IL36A: variants seen among roughly 807,000 people sequenced by gnomAD.
The protein encoded by IL36A is interleukin-36 alpha.
In IL36A, 13 loss-of-function variants were observed where a neutral mutation model predicts 12.7. That is an observed-to-expected ratio of 1.02 (90% CI 0.67 to 1.63). IL36A has a LOEUF of 1.63. IL36A is among the 40% of genes most tolerant of loss of function. The pLI, the probability that IL36A is intolerant of heterozygous loss-of-function variation, is 0.00. For missense variants in IL36A, 195 were observed against 192.9 expected, an observed-to-expected ratio of 1.01 and a Z score of -0.07; for synonymous variants, 73 against 71.9, an observed-to-expected ratio of 1.01 and a Z score of -0.08.
intron 3 of IL36A, 82 bp downstream of exon 3, chr2:113,006,819 T>C: frequency 7.0e-7 from 1 of 1,435,822 alleles, no homozygotes; most frequent in South Asian, 1.3e-5. Context: ...GTACTTATTA[T>C]GCTCATGCAT....
Position 113,006,695 on chromosome 2 carries a change from G to A in IL36A, c.222G>A (p.Leu74=), listed in dbSNP as rs560011052. ...GCCTGAATGGACTCAATCTCTGCCT[G>A]ATGTGTGCTAAAGTCGGGGACCAGC... The part of the protein sequence containing the change: ...YLGLNGLNLC[L]MCAKVGDQPT... Residue 74 remains leucine, a synonymous_variant, in exon 3 of 4, where the codon CTG becomes CTA. Coordinates refer to ENST00000259211, the MANE Select transcript of IL36A (RefSeq NM_014440.3). 1.2e-6 allele frequency: 2 copies of A among 1,614,164 alleles called. No homozygotes were observed. Among genetic ancestry groups the A allele is most frequent in the African/African-American group, 1.3e-5 (1 of 75,052 alleles).
In IL36A at chr2:113,008,017, T is replaced by C; in HGVS notation, c.450T>C (p.Thr150=). 7.4e-6 allele frequency: 12 copies of C among 1,614,208 alleles called. No individual in the cohort carries two copies. Among genetic ancestry groups the C allele is most frequent in the African/African-American group, 1.3e-5 (1 of 75,064 alleles). Residue 150 remains threonine (T), a synonymous_variant, in exon 4 of 4, where the codon ACT becomes ACC. Coordinates refer to ENST00000259211, the MANE Select transcript of IL36A (RefSeq NM_014440.3). ...AAGAACTGGGGAAAGCCAACACTAC[T>C]GACTTTGGGTTAACTATGCTGTTTT... ...LTQELGKANT[T]DFGLTMLF
At position 113,005,644 on chromosome 2, in the gene IL36A, A is replaced by G; in HGVS notation, c.-228A>G. The G allele has an allele frequency of 1.6e-6, 1 of 609,730 alleles. No individual in the cohort carries two copies. The highest frequency in any genetic ancestry group is 2.9e-6 in the Non-Finnish European group (1 of 339,254). The allele number at this position is 609,730 out of a possible 1,614,324, so 37.8% of individuals were successfully genotyped here. A position where few individuals can be genotyped will look rare whatever the true frequency, so the allele number is the denominator to read the frequency against. The stretch of plus-strand genomic sequence containing the variant: ...CTGGGTCTAGGCCTGGGCAGGATTC[A>G]TAGGTGCAGCTGCTTCTGCTGGAGG... On this transcript the variant is annotated 5_prime_UTR_variant, in exon 1 of 4. Coordinates refer to ENST00000259211, the MANE Select transcript of IL36A (RefSeq NM_014440.3).
intron 2 of IL36A, 107 bp downstream of exon 2, chr2:113,006,194 G>A (rs1311451050): frequency 1.3e-6 from 1 of 746,692 alleles, no homozygotes; most frequent in Non-Finnish European, 2.4e-6. Context: ...CATATCTACA[G>A]AGAGGAGCAT....
rs1558824912 is a variant in IL36A, at chr2:113,007,849, T to G, written c.282T>G (p.Asp94Glu). ...CCCTTCAGGAAAAGGATATAATGGA[T>G]TTGTACAACCAACCCGAGCCTGTGA... is the stretch of plus-strand genomic sequence containing the variant. ...TLQLKEKDIM[D>E]LYNQPEPVKS... The change falls in exon 4 of 4, where the codon GAT (aspartate) becomes GAG (glutamate). Residue 94 changes from aspartate to glutamate, a missense_variant. Coordinates refer to ENST00000259211, the MANE Select transcript of IL36A (RefSeq NM_014440.3). 1 of 1,614,050 alleles carries G rather than the reference T, an allele frequency of 6.2e-7. No individual in the cohort carries two copies. The highest frequency in any genetic ancestry group is 2.2e-5 in the East Asian group (1 of 44,890).
intron 2 of IL36A, 103 bp from the exon 3 acceptor site, chr2:113,006,495 A>G: frequency 7.8e-7 from 1 of 1,280,958 alleles, no homozygotes; most frequent in Non-Finnish European, 1.1e-6. Context: ...CCATTCTATG[A>G]GTGCACTGTG....
chr2:113,006,519 A>G, intron 2 of IL36A, 79 bp from the exon 3 acceptor site: 1 of 1,515,198 alleles, frequency 6.6e-7, no homozygotes, highest in East Asian at 2.3e-5. Flanking sequence ...GTCAGTTAGC[A>G]GATTCCCTTA....
downstream of IL36A, among the ~76,000 whole-genome samples, chr2:113,009,932 T>C (rs1684702871): frequency 6.6e-6 from 1 of 152,248 alleles, no homozygotes; most frequent in Non-Finnish European, 1.5e-5. Flanking sequence ...TAATCCTCTC[T>C]TATTTTGAAG....
rs2105028125 is a variant in IL36A, at chr2:113,007,862, C to T, written c.295C>T (p.Pro99Ser). ...GGATATAATGGATTTGTACAACCAA[C>T]CCGAGCCTGTGAAGTCCTTTCTCTT... Reference protein sequence around the residue: ...EKDIMDLYNQPEPVKSFLFYH... With the variant: ...EKDIMDLYNQSEPVKSFLFYH... Residue 99 changes from proline (P) to serine (S), a missense_variant, in exon 4 of 4, where the codon CCC becomes TCC. Pro to Ser is a moderately conservative substitution (Grantham distance 74). Coordinates refer to ENST00000259211, the MANE Select transcript of IL36A (RefSeq NM_014440.3). 6.2e-7 allele frequency: 1 copy of T among 1,614,110 alleles called. No individual in the cohort carries two copies.
downstream of IL36A, among the ~76,000 whole-genome samples, chr2:113,008,357 C>CTTTTTT (rs780723737): frequency 2.4e-5 from 3 of 123,396 alleles, no homozygotes; most frequent in African/African-American, 3.3e-5. Context: ...GGTGGTGACT[C>CTTTTTT]TTTTTTTTTT....
In IL36A at chr2:113,005,719, G is replaced by T; in HGVS notation, c.-153G>T. The T allele has an allele frequency of 1.3e-6, 1 of 798,454 alleles. No homozygotes were observed. Among genetic ancestry groups the T allele is most frequent in the Non-Finnish European group, 2.2e-6 (1 of 456,942 alleles). The allele number at this position is 798,454 out of a possible 1,614,324, so 49.5% of individuals were successfully genotyped here. ...GTGCTGGGTGAGTTCTGGGAGTATA[G>T]ATTCTGACTGGGGTCACTGCTGGGC... is the stretch of plus-strand genomic sequence containing the variant. On this transcript the variant is annotated 5_prime_UTR_variant, in exon 1 of 4. Transcript: ENST00000259211.
chr2:113,007,825 C>A lies in IL36A; in HGVS notation c.265-7C>A, dbSNP rs1293230347. On this transcript the variant is annotated splice_region_variant and splice_polypyrimidine_tract_variant and intron_variant, in intron 3 of 3. Coordinates refer to ENST00000259211, the MANE Select transcript of IL36A (RefSeq NM_014440.3). ...TTTCTTGCTGGTGTCTCCTTCGCACCCTTCAGGAAAAGGATATAATGGATT... is the reference window on the plus strand; with the variant it reads ...TTTCTTGCTGGTGTCTCCTTCGCACACTTCAGGAAAAGGATATAATGGATT... 3.1e-6 allele frequency: 5 copies of A among 1,610,060 alleles called. No individual in the cohort carries two copies. The highest frequency in any genetic ancestry group is 1.7e-5 in the Admixed American group (1 of 60,004).
downstream of IL36A, among the ~76,000 whole-genome samples, chr2:113,009,977 C>G (rs725139): frequency 0.32 from 47,604 of 151,124 alleles, 8,238 homozygotes; most frequent in Admixed American, 0.42. Context: ...TTGAAGACTT[C>G]TTTTTAATCC....
Position 113,007,824 on chromosome 2 carries a change from C to T in IL36A, c.265-8C>T. 1 of 1,609,258 alleles carries T rather than the reference C, an allele frequency of 6.2e-7. No individual in the cohort carries two copies. The highest frequency in any genetic ancestry group is 8.5e-7 in the Non-Finnish European group (1 of 1,175,568). ...GTTTCTTGCTGGTGTCTCCTTCGCA[C>T]CCTTCAGGAAAAGGATATAATGGAT... On this transcript the variant is annotated splice_region_variant and splice_polypyrimidine_tract_variant and intron_variant, in intron 3 of 3. Transcript: ENST00000259211.
chr2:113,006,568 T>C (rs1334384725), intron 2 of IL36A, 30 bp from the exon 3 acceptor site: 1 of 1,612,888 alleles, frequency 6.2e-7, no homozygotes, highest in East Asian at 2.2e-5. Flanking sequence ...AAATGGCAGC[T>C]GAACACCACT....
chr2:113,006,490 CTA>C, intron 2 of IL36A, 106 bp from the exon 3 acceptor site: 1 of 1,248,350 alleles, frequency 8.0e-7, no homozygotes, highest in Non-Finnish European at 1.2e-6. Context: ...GGTGACCATT[CTA>C]TGAGTGCACT....
rs1684595686 is a variant in IL36A, at chr2:113,005,504, T to C, written c.-368T>C. On this transcript the variant is annotated 5_prime_UTR_variant, in exon 1 of 4. Transcript: ENST00000259211. ...AAGCCATTGTTCATAATGGTAGGGA[T>C]ACAGGGTCCTTCGTAACAGATTATC... 2.8e-6 allele frequency: 1 copy of C among 357,532 alleles called. No homozygotes were observed. The highest frequency in any genetic ancestry group is 4.2e-5 in the Admixed American group (1 of 23,888). 22.1% of individuals were successfully genotyped at this position (357,532 alleles called of 1,614,324 possible). A position where few individuals can be genotyped will look rare whatever the true frequency, so the allele number is the denominator to read the frequency against.
chr2:113,008,703 C>T (rs952738291), downstream of IL36A, among the ~76,000 whole-genome samples: 1 of 151,590 alleles, frequency 6.6e-6, no homozygotes, highest in African/African-American at 2.4e-5. Context: ...AAGAGGAGAC[C>T]AAAAAGAAAA....
downstream of IL36A, chr2:113,008,147 A>G (rs1413985950): frequency 1.5e-5 from 14 of 941,060 alleles, no homozygotes; most frequent in Non-Finnish European, 2.3e-5. Context: ...TCCACCTAAG[A>G]GTATCTTGCT....
Sources: allele counts gnomAD v4.1 joint callset (sites outside exome capture counted in the v4.1 genomes callset), GRCh38; gene constraint gnomAD v4.1.1; transcripts MANE v1.5; gene names NCBI Gene and HGNC (gene_info 2026-07-23, HGNC 2026-07-21).